The following MORC2 variants were observed in gnomAD, a reference collection of about 807,000 sequenced individuals.
The protein encoded by MORC2 is ATPase MORC2.
In MORC2, 30 loss-of-function variants were observed where a neutral mutation model predicts 136.0. That is an observed-to-expected ratio of 0.22 (90% confidence interval 0.17 to 0.30). The LOEUF (loss-of-function observed/expected upper bound fraction) is 0.30. MORC2 is among the 10% of genes least tolerant of loss of function. The probability of loss-of-function intolerance (pLI) is 1.00; values close to 1 mark genes in which losing one functional copy is unlikely to be tolerated. For synonymous variants in MORC2, 439 were observed against 487.0 expected, an observed-to-expected ratio of 0.90 and a Z score of 1.30; for missense variants, 922 against 1,333.1, an observed-to-expected ratio of 0.69 and a Z score of 4.80.
chr22:30,958,870 T>A (rs2041004028), intron 1 of MORC2, 176 bp from the exon 2 acceptor site: 3 of 560,006 alleles, frequency 5.4e-6, no homozygotes, highest in Non-Finnish European at 9.5e-6. Context: ...CAATTGTTAA[T>A]CTTTAACAAG....
intron 12 of MORC2, 63 bp downstream of exon 12, chr22:30,939,558 T>A: frequency 6.6e-7 from 1 of 1,519,146 alleles, no homozygotes; most frequent in Non-Finnish European, 9.0e-7. Context: ...AATAGCAACC[T>A]GTCAATAATC....
chr22:30,940,394 A>C (rs551562539), intron 10 of MORC2, among the ~76,000 whole-genome samples: 2 of 152,258 alleles, frequency 1.3e-5, no homozygotes, highest in East Asian at 3.9e-4. Flanking sequence ...AGCAGCCGAG[A>C]AACCCTGAGA....
Position 30,968,688 on chromosome 22 carries a change from A to G in MORC2, c.-799T>C, listed in dbSNP as rs1450071410. Among the ~76,000 whole-genome samples the G allele has an allele frequency of 3.3e-5, 5 of 152,062 alleles. No homozygotes were observed. Among genetic ancestry groups the G allele is most frequent in the African/African-American group, 1.2e-4 (5 of 41,410 alleles). On this transcript the variant is annotated 5_prime_UTR_variant, in exon 1 of 26. Transcript: ENST00000397641. ...CGGTCCCGTGGCCGCCTCCCCACGA[A>G]GAGGAGCTACTCCCGGCTTCCAAGG...
At chr22:30,939,731 G>A (rs773246631) in intron 11 of MORC2, 25 bp from the exon 12 acceptor site, 20 of 1,609,514 alleles carry the variant, frequency 1.2e-5, no homozygotes, top group Middle Eastern at 1.7e-4. Flanking sequence ...ATCAGGTGAG[G>A]GGAGGTGGCA....
rs775812123 is a variant in MORC2, at chr22:30,939,627, T to C, written c.1067A>G (p.Lys356Arg). Residue 356 changes from lysine (K) to arginine (R), a missense_variant, in exon 12 of 26, where the codon AAG (lysine) becomes AGG (arginine). By Grantham distance (26) the Lys-to-Arg change is conservative. Transcript: ENST00000397641. ...ADVKKRIKEA[K>R]QRALKEPKEL... ...GGACAGGCCTGGCACTCACCGCTGC[T>C]TGGCCTCCTTGATCCTCTTCTTGAC... is the stretch of plus-strand genomic sequence containing the variant. 1 of 1,614,164 alleles carries C rather than the reference T, an allele frequency of 6.2e-7. No individual in the cohort carries two copies. Among genetic ancestry groups the C allele is most frequent in the South Asian group, 1.1e-5 (1 of 91,084 alleles).
intron 4 of MORC2, 40 bp downstream of exon 4, chr22:30,950,337 G>GCGGGGGGGCC: frequency 1.3e-6 from 1 of 761,746 alleles, no homozygotes; most frequent in Non-Finnish European, 2.3e-6. Flanking sequence ...TGGTTACATC[G>GCGGGGGGGCC]CACCCCCCCA....
chr22:30,952,518 T>C (rs2040905090), intron 3 of MORC2, among the ~76,000 whole-genome samples: 1 of 152,204 alleles, frequency 6.6e-6, no homozygotes, highest in African/African-American at 2.4e-5. Flanking sequence ...TTCGTGTAGT[T>C]TAAAGGGTAA....
intron 24 of MORC2, among the ~76,000 whole-genome samples, chr22:30,931,188 C>G (rs1411814705): frequency 6.6e-6 from 1 of 152,214 alleles, no homozygotes; most frequent in African/African-American, 2.4e-5. Flanking sequence ...CGCTGCTACC[C>G]AAATCACCCT....
intron 3 of MORC2, among the ~76,000 whole-genome samples, chr22:30,956,333 C>G (rs1012741305): frequency 6.6e-6 from 1 of 152,176 alleles, no homozygotes; most frequent in Admixed American, 6.5e-5. Context: ...TTTCCGCAAC[C>G]GATACCAGCA....
At chr22:30,927,756 G>A (rs924873353) in intron 25 of MORC2, among the ~76,000 whole-genome samples, 7 of 152,206 alleles carry the variant, frequency 4.6e-5, no homozygotes, top group South Asian at 2.1e-4. Flanking sequence ...AAAGAACTTC[G>A]TTTTTATGGC....
intron 1 of MORC2, among the ~76,000 whole-genome samples, chr22:30,966,598 G>A (rs905813712): frequency 1.3e-5 from 2 of 152,040 alleles, no homozygotes; most frequent in Non-Finnish European, 2.9e-5. Context: ...AACATATAGT[G>A]AAACCCCGTC....
intron 24 of MORC2, among the ~76,000 whole-genome samples, chr22:30,928,858 A>C (rs2040530413): frequency 6.6e-6 from 1 of 152,260 alleles, no homozygotes; most frequent in Non-Finnish European, 1.5e-5. Context: ...AACAATGTTA[A>C]GTAGTATCTC....
In MORC2 at chr22:30,931,171, C is replaced by G. The variant is rs201020652; in HGVS notation, c.2841+1188G>C. Among the ~76,000 whole-genome samples, 64 of 152,318 alleles carry G rather than the reference C, an allele frequency of 4.2e-4. No individual in the cohort carries two copies. In the East Asian group the frequency reaches 0.011, roughly 26 times the overall value. On this transcript the variant is annotated intron_variant, in intron 24 of 25. Transcript: ENST00000397641. ...TGCATCTCCCATCCACCCATTCTAC[C>G]CAAACACGCTGCTACCCAAATCACC...
intron 5 of MORC2, 123 bp from the exon 6 acceptor site, chr22:30,946,572 A>AG: frequency 1.3e-6 from 1 of 743,644 alleles, no homozygotes; most frequent in East Asian, 2.7e-5. Flanking sequence ...AGGCCCCCCC[A>AG]GGTCCCAGGA....
intron 4 of MORC2, 40 bp downstream of exon 4, chr22:30,950,337 G>GCGGGGGGGGCCCCCC: frequency 1.3e-6 from 1 of 761,764 alleles, no homozygotes; most frequent in Non-Finnish European, 2.3e-6. Context: ...TGGTTACATC[G>GCGGGGGGGGCCCCCC]CACCCCCCCA....
rs2040624117 is a variant in MORC2 at position 30,934,556 on chromosome 22, A to G, written c.2193+225T>C. On this transcript the variant is annotated intron_variant, in intron 19 of 25. Coordinates refer to ENST00000397641, the MANE Select transcript of MORC2 (RefSeq NM_001303256.3). This position sits in a 1 kb window ranked among gnomAD's most constrained non-coding sequence, Gnocchi z 4.4. ...AGGTGACTCAAGTTTGTGGCAGACC[A>G]AAACTCGGAGGCAACAGTGAAGAGC... is the stretch of plus-strand genomic sequence containing the variant. Among the ~76,000 whole-genome samples the G allele has an allele frequency of 6.6e-6, 1 of 152,232 alleles. No individual in the cohort carries two copies. The highest frequency in any genetic ancestry group is 6.5e-5 in the Admixed American group (1 of 15,288).
Position 30,946,438 on chromosome 22 carries a change from C to A in MORC2, c.329G>T (p.Arg110Leu), listed in dbSNP as rs980180430. The change falls in exon 6 of 26, where the codon CGC becomes CTC. Residue 110 changes from arginine (R) to leucine (L), a missense_variant. Coordinates refer to ENST00000397641, the MANE Select transcript of MORC2 (RefSeq NM_001303256.3). ...YGNGLKSGSM[R>L]IGKDFILFTK... ...GAACAGGATAAAATCCTTCCCAATG[C>A]GCATTGAGCCCCTGAAAAGGAAACA... The A allele has an allele frequency of 1.2e-6, 2 of 1,608,282 alleles. No homozygotes were observed. Among genetic ancestry groups the A allele is most frequent in the Non-Finnish European group, 8.5e-7 (1 of 1,177,158 alleles).
rs775365134 is a variant in MORC2 at position 30,935,090 on chromosome 22, T to C, written c.1884A>G (p.Arg628=). The change falls in exon 19 of 26, where the codon AGA becomes AGG. Residue 628 remains arginine (R), a synonymous_variant. Transcript: ENST00000397641. ...GTCTAGGAGTTGGCAAAGAAGGGGG[T>C]CTGCTGGGGGCGTTCCTGATCACAG... ...LPAVIRNAPS[R]PPSLPTPRPA... The C allele has an allele frequency of 3.1e-6, 5 of 1,612,590 alleles. No individual in the cohort carries two copies. The African/African-American group carries it at 4.0e-5, about 13-fold the overall frequency.
At chr22:30,950,337 G>GCGGGGGGCCCCCCCC in intron 4 of MORC2, 40 bp downstream of exon 4, 1 of 761,756 alleles carries the variant, frequency 1.3e-6, no homozygotes, top group Middle Eastern at 2.3e-4. Context: ...TGGTTACATC[G>GCGGGGGGCCCCCCCC]CACCCCCCCA....
Sources: gnomAD v4.1 joint callset for allele counts (sites outside exome capture counted in the v4.1 genomes callset) on GRCh38, gnomAD v4.1.1 for gene constraint, Gnocchi (gnomAD v3.1) non-coding constraint, MANE v1.5 for transcripts, NCBI Gene and HGNC (gene_info 2026-07-23, HGNC 2026-07-21) for gene names.